The following NPSR1 variants were observed in gnomAD, a reference collection of about 807,000 sequenced individuals.
NPSR1 encodes the protein neuropeptide S receptor 1.
Under a neutral mutation model 46.9 loss-of-function variants are expected in NPSR1, and 48 were observed. The observed-to-expected ratio is 1.02, with a 90% CI of 0.81 to 1.30. NPSR1 has a LOEUF of 1.30. Ranked by LOEUF, NPSR1 falls within the 50% of genes most tolerant of loss-of-function variation. The probability of loss-of-function intolerance (pLI) is 0.00; values close to 1 mark genes in which losing one functional copy is unlikely to be tolerated. For synonymous variants in NPSR1, 176 were observed against 168.1 expected, an observed-to-expected ratio of 1.05 and a Z score of -0.36; for missense variants, 450 against 449.5, an observed-to-expected ratio of 1.00 and a Z score of -0.01.
intron 8 of NPSR1, among the ~76,000 whole-genome samples, chr7:34,860,487 T>C (rs1173913131): frequency 2.7e-4 from 41 of 152,074 alleles, no homozygotes; most frequent in South Asian, 2.1e-4. Flanking sequence ...ATAACTATTT[T>C]CAACAAAATT....
Position 34,658,284 on chromosome 7 carries a change from TG to T in NPSR1, c.-126del. On this transcript the variant is annotated 5_prime_UTR_variant, in exon 1 of 9. Transcript: ENST00000360581. ...CATCAGGCAGAGCTCTTCAGTGAGG[TG>T]GGCTCAGGGAGGGCTCTGTGCCTCC... 1 of 941,596 alleles carries T rather than the reference TG, an allele frequency of 1.1e-6. No individual in the cohort carries two copies. The highest frequency in any genetic ancestry group is 1.6e-6 in the Non-Finnish European group (1 of 625,670). 58.3% of individuals were successfully genotyped at this position (941,596 alleles called of 1,614,324 possible). A position where few individuals can be genotyped will look rare whatever the true frequency, so the allele number is the denominator to read the frequency against.
In NPSR1 at chr7:34,791,283, A is replaced by G. The variant is rs1787866767; in HGVS notation, c.384+12718A>G. On this transcript the variant is annotated intron_variant, in intron 3 of 8. Coordinates refer to ENST00000360581, the MANE Select transcript of NPSR1 (RefSeq NM_207172.2). ...TTATATGTTATAAGTTATATATAAT[A>G]TAGATAATATATAAAATATATAATA... Among the ~76,000 whole-genome samples the G allele has an allele frequency of 3.5e-5, 5 of 141,134 alleles. No homozygotes were observed. The South Asian group carries it at 1.1e-3, about 30-fold the overall frequency. The allele number at this position is 141,134 out of a possible 152,430, so 92.6% of individuals were successfully genotyped here.
intron 1 of NPSR1, among the ~76,000 whole-genome samples, chr7:34,667,832 G>T (rs2530568): frequency 0.12 from 18,670 of 151,762 alleles, 1,233 homozygotes; most frequent in Middle Eastern, 0.17. Flanking sequence ...TTAAAAAACA[G>T]TTCTGTCTCC....
chr7:34,671,370 C>T (rs2215144), intron 1 of NPSR1, among the ~76,000 whole-genome samples: 37,749 of 151,942 alleles, frequency 0.25, 4,901 homozygotes, highest in South Asian at 0.34. Context: ...TTATTCTAAA[C>T]GACAAAATAA....
intron 2 of NPSR1, among the ~76,000 whole-genome samples, chr7:34,691,010 TA>T (rs1386291576): frequency 6.6e-6 from 1 of 152,156 alleles, no homozygotes; most frequent in Non-Finnish European, 1.5e-5. Context: ...GGAAATTTCA[TA>T]AGACTAATAG....
intron 2 of NPSR1, among the ~76,000 whole-genome samples, chr7:34,743,769 G>A (rs991446553): frequency 2.6e-5 from 4 of 151,990 alleles, no homozygotes; most frequent in Non-Finnish European, 5.9e-5. Flanking sequence ...TTCTTTTTGG[G>A]CAACTGTTAC....
At chr7:34,717,615 C>T (rs1470738393) in intron 2 of NPSR1, among the ~76,000 whole-genome samples, 1 of 152,172 alleles carries the variant, frequency 6.6e-6, no homozygotes, top group Non-Finnish European at 1.5e-5. Flanking sequence ...TAAGGAGTTA[C>T]CAGTTGGCAT....
At chr7:34,673,743 G>A (rs1792174360) in intron 1 of NPSR1, among the ~76,000 whole-genome samples, 1 of 152,152 alleles carries the variant, frequency 6.6e-6, no homozygotes, top group African/African-American at 2.4e-5. Flanking sequence ...CCTTACAAAG[G>A]TATTAAAACT....
intron 2 of NPSR1, among the ~76,000 whole-genome samples, chr7:34,765,320 A>G (rs1786377192): frequency 6.6e-6 from 1 of 152,238 alleles, no homozygotes; most frequent in Non-Finnish European, 1.5e-5. Context: ...AACCAAACAG[A>G]GACATGACTC....
At chr7:34,781,383 C>A (rs2128738315) in intron 3 of NPSR1, among the ~76,000 whole-genome samples, 1 of 152,168 alleles carries the variant, frequency 6.6e-6, no homozygotes, top group African/African-American at 2.4e-5. Context: ...GACTCAAGGG[C>A]CCATTAAAGA....
intron 1 of NPSR1, among the ~76,000 whole-genome samples, chr7:34,668,877 C>A (rs868538143): frequency 6.6e-6 from 1 of 152,148 alleles, no homozygotes; most frequent in Non-Finnish European, 1.5e-5. Context: ...CGTCTGGTAT[C>A]AGTGGAGCAG....
intron 6 of NPSR1, among the ~76,000 whole-genome samples, chr7:34,836,103 T>A (rs1467287987): frequency 2.0e-5 from 3 of 152,172 alleles, no homozygotes; most frequent in Non-Finnish European, 4.4e-5. Context: ...GTCATTCAGC[T>A]TGGGGCTAAT....
chr7:34,865,536 G>A (rs147676109), intron 8 of NPSR1, among the ~76,000 whole-genome samples: 30 of 151,800 alleles, frequency 2.0e-4, no homozygotes, highest in African/African-American at 7.1e-4. Flanking sequence ...TAATCACAGC[G>A]CCACATGGAA....
intron 7 of NPSR1, among the ~76,000 whole-genome samples, chr7:34,845,373 T>C (rs984711032): frequency 2.0e-5 from 3 of 152,220 alleles, no homozygotes; most frequent in Admixed American, 1.3e-4. Context: ...GAATATTTGA[T>C]GTTAGGTTCA....
At chr7:34,718,893 T>A (rs745715770) in intron 2 of NPSR1, 3 of 152,206 alleles carry the variant, frequency 2.0e-5, no homozygotes, top group Non-Finnish European at 4.4e-5. Flanking sequence ...AATTCAAACA[T>A]ATAACATAGA....
At chr7:34,722,799 T>A (rs938656129) in intron 2 of NPSR1, among the ~76,000 whole-genome samples, 9 of 152,280 alleles carry the variant, frequency 5.9e-5, no homozygotes, top group African/African-American at 2.2e-4. Flanking sequence ...TATGTCAGCA[T>A]CAACATGGAG....
chr7:34,693,669 A>G (rs1436340405), intron 2 of NPSR1, among the ~76,000 whole-genome samples: 1 of 152,170 alleles, frequency 6.6e-6, no homozygotes, highest in Non-Finnish European at 1.5e-5. Context: ...TACCAAAATC[A>G]TACAAGGACA....
intron 2 of NPSR1, among the ~76,000 whole-genome samples, chr7:34,720,186 AG>A (rs1257060348): frequency 1.3e-5 from 2 of 151,636 alleles, no homozygotes; most frequent in Non-Finnish European, 2.9e-5. Flanking sequence ...AGGCTGAGGG[AG>A]GAGAATCGCT....
At chr7:34,784,321 T>C (rs1391136193) in intron 3 of NPSR1, among the ~76,000 whole-genome samples, 1 of 152,142 alleles carries the variant, frequency 6.6e-6, no homozygotes, top group Non-Finnish European at 1.5e-5. Context: ...GCTGTGGGTT[T>C]GTCATAGATA....
Sources: gnomAD v4.1 joint callset for allele counts (sites outside exome capture counted in the v4.1 genomes callset) on GRCh38, gnomAD v4.1.1 for gene constraint, MANE v1.5 for transcripts, NCBI Gene and HGNC (gene_info 2026-07-23, HGNC 2026-07-21) for gene names.